The following WDPCP variants were observed in gnomAD, a reference collection of about 807,000 sequenced individuals.
WDPCP encodes WD repeat-containing and planar cell polarity effector protein fritz homolog.
A neutral mutation model predicts 93.1 loss-of-function variants in WDPCP; 71 were observed. The ratio of observed to expected loss-of-function variants is 0.76; its 90% CI spans 0.63 to 0.93. The LOEUF (loss-of-function observed/expected upper bound fraction) is 0.93, where lower values mean the gene tolerates loss of function less well. WDPCP is among the 40% of genes least tolerant of loss of function. The pLI, the probability that WDPCP is intolerant of heterozygous loss-of-function variation, is 0.00. For missense variants in WDPCP, 844 were observed against 887.4 expected (o/e 0.95, Z 0.62); for synonymous variants, 315 against 315.0 (o/e 1.00, Z 0.00).
At chr2:63,687,241 TG>T (rs1293727706) in intron 2 of WDPCP, among the ~76,000 whole-genome samples, 1 of 152,178 alleles carries the variant, frequency 6.6e-6, no homozygotes, top group African/African-American at 2.4e-5. Flanking sequence ...AAGAAAACAT[TG>T]AGGAAACTCT....
intron 1 of WDPCP, among the ~76,000 whole-genome samples, chr2:63,816,251 C>T (rs886730968): frequency 2.0e-5 from 3 of 151,904 alleles, no homozygotes; most frequent in Admixed American, 6.6e-5. Flanking sequence ...TGACTCATAG[C>T]GGCTTTATTT....
At chr2:63,522,893 C>A (rs1703048258) in intron 1 of WDPCP, among the ~76,000 whole-genome samples, 1 of 152,176 alleles carries the variant, frequency 6.6e-6, no homozygotes, top group Admixed American at 6.5e-5. Flanking sequence ...CAAAGAAGGG[C>A]TAGTACCATT....
intron 3 of WDPCP, among the ~76,000 whole-genome samples, chr2:63,615,188 A>G (rs1234273729): frequency 6.6e-6 from 1 of 152,222 alleles, no homozygotes; most frequent in Non-Finnish European, 1.5e-5. Flanking sequence ...GGAAGCAGCT[A>G]TGACACAGAG....
intron 2 of WDPCP, among the ~76,000 whole-genome samples, chr2:63,704,028 T>C (rs1431420592): frequency 6.6e-6 from 1 of 152,176 alleles, no homozygotes; most frequent in Non-Finnish European, 1.5e-5. Flanking sequence ...CCCTTGTAAG[T>C]TGGATTCCTA....
chr2:63,324,125 G>A (rs1207583770), intron 12 of WDPCP, among the ~76,000 whole-genome samples: 2 of 152,090 alleles, frequency 1.3e-5, no homozygotes, highest in East Asian at 1.9e-4. Flanking sequence ...GGCCACCTGA[G>A]GGAAGTATAA....
At chr2:63,269,979 C>T (rs1442782762) in intron 13 of WDPCP, among the ~76,000 whole-genome samples, 1 of 152,080 alleles carries the variant, frequency 6.6e-6, no homozygotes, top group Admixed American at 6.5e-5. Context: ...CAATAAGCAG[C>T]TTTAAGAATT....
At chr2:63,160,197 T>A (rs1023426940) in intron 15 of WDPCP, among the ~76,000 whole-genome samples, 9 of 152,316 alleles carry the variant, frequency 5.9e-5, no homozygotes, top group Non-Finnish European at 1.3e-4. Flanking sequence ...GGAATGTGCT[T>A]ACTCCATCTT....
chr2:63,522,095 A>G (rs895639506), intron 1 of WDPCP, among the ~76,000 whole-genome samples: 1 of 152,058 alleles, frequency 6.6e-6, no homozygotes, highest in Non-Finnish European at 1.5e-5. Context: ...CATGCTTGTT[A>G]CATAGGTATA....
chr2:63,562,920 C>G (rs1027353418), intron 1 of WDPCP, among the ~76,000 whole-genome samples: 7 of 152,106 alleles, frequency 4.6e-5, no homozygotes, highest in South Asian at 2.1e-4. Flanking sequence ...GGCCCTGAAC[C>G]CTTTTAGTGG....
At chr2:63,409,008 G>C (rs1421383569) in intron 9 of WDPCP, among the ~76,000 whole-genome samples, 1 of 152,144 alleles carries the variant, frequency 6.6e-6, no homozygotes, top group Non-Finnish European at 1.5e-5. Flanking sequence ...GGGAGTTCTA[G>C]GGCCCTGCTC....
At chr2:63,277,507 A>G (rs1347698214) in intron 13 of WDPCP, among the ~76,000 whole-genome samples, 2 of 152,238 alleles carry the variant, frequency 1.3e-5, no homozygotes, top group Non-Finnish European at 2.9e-5. Flanking sequence ...TCTTCAGGAA[A>G]CTCAACTAAC....
intron 13 of WDPCP, among the ~76,000 whole-genome samples, chr2:63,294,625 C>A (rs1269490300): frequency 6.7e-6 from 1 of 150,178 alleles, no homozygotes; most frequent in African/African-American, 2.4e-5. Flanking sequence ...CCCAGATAAA[C>A]CTAAACTAAG....
At chr2:63,552,045 G>A (rs1705700847) in intron 1 of WDPCP, among the ~76,000 whole-genome samples, 1 of 40,870 alleles carries the variant, frequency 2.4e-5, no homozygotes, top group South Asian at 9.5e-4. Context: ...TCCTACCTCA[G>A]CTTCCTAAGG....
chr2:63,127,201 A>T (rs1338392290), intron 17 of WDPCP, among the ~76,000 whole-genome samples: 1 of 146,580 alleles, frequency 6.8e-6, no homozygotes, highest in African/African-American at 2.5e-5. Context: ...GGCTCACTGC[A>T]GTCTCCGCCT....
intron 13 of WDPCP, among the ~76,000 whole-genome samples, chr2:63,268,859 A>C (rs1050508866): frequency 3.3e-5 from 5 of 152,142 alleles, no homozygotes; most frequent in African/African-American, 1.2e-4. Flanking sequence ...GCTCAAGGGA[A>C]TCTTTCTGCA....
At chr2:63,324,540 C>A (rs576350784) in intron 12 of WDPCP, among the ~76,000 whole-genome samples, 3 of 152,298 alleles carry the variant, frequency 2.0e-5, no homozygotes, top group South Asian at 4.1e-4. Flanking sequence ...CTGATAGGTA[C>A]ATAGATGTCC....
intron 2 of WDPCP, among the ~76,000 whole-genome samples, chr2:63,741,039 A>G (rs1389642472): frequency 6.6e-6 from 1 of 152,116 alleles, no homozygotes; most frequent in Non-Finnish European, 1.5e-5. Flanking sequence ...GTGGAAAGCT[A>G]TTGCTGAGAA....
At chr2:63,571,051 C>T (rs994103376) in intron 1 of WDPCP, among the ~76,000 whole-genome samples, 1 of 149,226 alleles carries the variant, frequency 6.7e-6, no homozygotes, top group African/African-American at 2.5e-5. Context: ...ACTACAGGTG[C>T]GTGCCACTAG....
intron 14 of WDPCP, among the ~76,000 whole-genome samples, chr2:63,201,102 T>C (rs542537217): frequency 8.4e-4 from 128 of 152,278 alleles, no homozygotes; most frequent in Admixed American, 5.6e-3. Context: ...CCCCTTGCTG[T>C]TCTCATAATA....
Sources: gnomAD v4.1 joint callset for allele counts (sites outside exome capture counted in the v4.1 genomes callset) on GRCh38, gnomAD v4.1.1 for gene constraint, MANE v1.5 for transcripts, NCBI Gene and HGNC (gene_info 2026-07-23, HGNC 2026-07-21) for gene names.